The following VPS13C variants were observed in gnomAD, a reference collection of about 807,000 sequenced individuals.
VPS13C encodes the protein vacuolar protein sorting 13 homolog C, also known as intermembrane lipid transfer protein VPS13C.
A neutral mutation model predicts 456.8 loss-of-function variants in VPS13C; 358 were observed. The ratio of observed to expected loss-of-function variants is 0.78; its 90% CI spans 0.72 to 0.86. The LOEUF (loss-of-function observed/expected upper bound fraction) is 0.86. Among genes scored for constraint, VPS13C ranks in the 40% least tolerant of loss-of-function variants. VPS13C has a pLI of 0.00. For missense variants in VPS13C, 4,818 were observed against 4,385.4 expected, an observed-to-expected ratio of 1.10 and a Z score of -2.79; for synonymous variants, 1,578 against 1,486.7, an observed-to-expected ratio of 1.06 and a Z score of -1.41.
intron 67 of VPS13C, among the ~76,000 whole-genome samples, chr15:61,889,637 A>C (rs963029755): frequency 6.6e-6 from 1 of 152,202 alleles, no homozygotes; most frequent in African/African-American, 2.4e-5. Flanking sequence ...TGGTCCCATA[A>C]CTATTAGAAA....
intron 30 of VPS13C, among the ~76,000 whole-genome samples, chr15:61,965,710 TTCAAAAGTGC>T (rs757743787): frequency 3.3e-5 from 5 of 151,900 alleles, no homozygotes; most frequent in Non-Finnish European, 7.4e-5. Context: ...GTGCTTTGAC[TTCAAAAGTGC>T]TCAACATGTC....
chr15:62,049,086 G>C (rs1206056315), intron 1 of VPS13C, among the ~76,000 whole-genome samples: 2 of 151,980 alleles, frequency 1.3e-5, no homozygotes, highest in Admixed American at 1.3e-4. Flanking sequence ...TTCTTTTGCT[G>C]TGCAGAAGCT....
intron 52 of VPS13C, among the ~76,000 whole-genome samples, chr15:61,926,775 A>G (rs924239021): frequency 1.1e-4 from 16 of 152,242 alleles, no homozygotes; most frequent in Non-Finnish European, 1.0e-4. Context: ...TCACTCATTC[A>G]TTAATTAGGT....
intron 3 of VPS13C, among the ~76,000 whole-genome samples, chr15:62,037,905 T>C (rs2048118485): frequency 6.6e-6 from 1 of 152,078 alleles, no homozygotes; most frequent in African/African-American, 2.4e-5. Context: ...CATAAAAATA[T>C]TCTTGTATGT....
chr15:61,896,720 C>T (rs2140096040), intron 66 of VPS13C, among the ~76,000 whole-genome samples: 1 of 152,346 alleles, frequency 6.6e-6, no homozygotes, highest in South Asian at 2.1e-4. Context: ...AACAAAGCAG[C>T]TGGGAAGCTC....
At chr15:61,996,652 G>A (rs1285708375) in intron 16 of VPS13C, among the ~76,000 whole-genome samples, 2 of 151,538 alleles carry the variant, frequency 1.3e-5, no homozygotes, top group Admixed American at 6.6e-5. Flanking sequence ...CTTCAATAGA[G>A]AAATGCAAAC....
intron 15 of VPS13C, among the ~76,000 whole-genome samples, chr15:62,005,929 C>A (rs2046821545): frequency 6.6e-6 from 1 of 151,568 alleles, no homozygotes; most frequent in Non-Finnish European, 1.5e-5. Flanking sequence ...GTCTCCAATT[C>A]CAGACCTCAG....
intron 37 of VPS13C, among the ~76,000 whole-genome samples, chr15:61,954,837 C>A (rs913974256): frequency 6.6e-6 from 1 of 152,058 alleles, no homozygotes; most frequent in Non-Finnish European, 1.5e-5. Flanking sequence ...CACTGTTATA[C>A]AGAAGTCAAG....
intron 7 of VPS13C, 112 bp from the exon 8 acceptor site, chr15:62,023,632 G>C (rs75618462): frequency 9.1e-7 from 1 of 1,096,634 alleles, no homozygotes; most frequent in African/African-American, 1.6e-5. Flanking sequence ...AGCCAATAGT[G>C]TCTTTATTTA....
chr15:61,942,155 TA>T (rs1237920356), intron 45 of VPS13C, 88 bp from the exon 46 acceptor site: 19 of 1,169,366 alleles, frequency 1.6e-5, no homozygotes, highest in Non-Finnish European at 2.0e-5. Context: ...AAAAACTAAA[TA>T]AAAAAGTAAT....
At chr15:61,895,523 G>A (rs1333857344) in intron 66 of VPS13C, among the ~76,000 whole-genome samples, 4 of 152,106 alleles carry the variant, frequency 2.6e-5, no homozygotes, top group Non-Finnish European at 4.4e-5. Context: ...TATAACAGTT[G>A]ATACCAAGGA....
At chr15:62,012,027 A>T in intron 12 of VPS13C, 80 bp downstream of exon 12, 1 of 876,248 alleles carries the variant, frequency 1.1e-6, no homozygotes, top group Non-Finnish European at 1.8e-6. Flanking sequence ...AAGTAAGTTT[A>T]TCAGAAAACT....
chr15:61,869,155 T>C (rs913711260), intron 80 of VPS13C, among the ~76,000 whole-genome samples: 1 of 150,514 alleles, frequency 6.6e-6, no homozygotes, highest in Non-Finnish European at 1.5e-5. Flanking sequence ...TCTCCCTCTG[T>C]TGCCCAGGCT....
intron 66 of VPS13C, among the ~76,000 whole-genome samples, chr15:61,897,901 C>T (rs576336039): frequency 1.3e-5 from 2 of 152,294 alleles, no homozygotes; most frequent in Admixed American, 6.5e-5. Context: ...AACAGCGGAT[C>T]GCTCGGCAGA....
intron 1 of VPS13C, among the ~76,000 whole-genome samples, chr15:62,057,465 G>A (rs2048839715): frequency 6.6e-6 from 1 of 152,106 alleles, no homozygotes; most frequent in African/African-American, 2.4e-5. Context: ...GAGAAATTAG[G>A]GTTATCAACA....
At chr15:61,979,667 G>A (rs534359961) in intron 22 of VPS13C, among the ~76,000 whole-genome samples, 5 of 152,288 alleles carry the variant, frequency 3.3e-5, no homozygotes, top group South Asian at 2.1e-4. Context: ...GAAGAGGACC[G>A]ATGATTAACA....
intron 1 of VPS13C, among the ~76,000 whole-genome samples, chr15:62,058,023 C>T (rs1488938214): frequency 6.6e-6 from 1 of 152,116 alleles, no homozygotes; most frequent in Non-Finnish European, 1.5e-5. Context: ...AATATTATAA[C>T]ATTGAAATAT....
rs766918468 is a variant in VPS13C at position 61,977,249 on chromosome 15, G to A, written c.2291-50C>T. The A allele has an allele frequency of 1.7e-5, 18 of 1,073,412 alleles. No individual in the cohort carries two copies. The Admixed American group carries it at 4.4e-4, about 26-fold the overall frequency. The allele number at this position is 1,073,412 out of a possible 1,614,324, so 66.5% of individuals were successfully genotyped here. ...ATTTATTATTTTTACAAACAGCCAT[G>A]GAACATGGATAAATATTATTTTTAA... On this transcript the variant is annotated intron_variant, in intron 23 of 84. Coordinates refer to ENST00000644861, the MANE Select transcript of VPS13C (RefSeq NM_020821.3).
chr15:62,024,878 C>T (rs1299043189), intron 6 of VPS13C, among the ~76,000 whole-genome samples: 1 of 152,082 alleles, frequency 6.6e-6, no homozygotes, highest in South Asian at 2.1e-4. Flanking sequence ...CGTGAACTTC[C>T]GTCACCCTCC....
Sources: allele counts gnomAD v4.1 joint callset (sites outside exome capture counted in the v4.1 genomes callset), GRCh38; gene constraint gnomAD v4.1.1; transcripts MANE v1.5; gene names NCBI Gene and HGNC (gene_info 2026-07-23, HGNC 2026-07-21).